Variants in GATB observed in about 807,000 individuals in gnomAD.
GATB encodes the protein glutamyl-tRNA amidotransferase subunit B.
In GATB, 39 loss-of-function variants were observed where a neutral mutation model predicts 62.3. That is an observed-to-expected ratio of 0.63 (90% CI 0.48 to 0.82). The LOEUF is 0.82. GATB is among the 40% of genes least tolerant of loss of function. The pLI, the probability that GATB is intolerant of heterozygous loss-of-function variation, is 0.00. For synonymous variants in GATB, 276 were observed against 258.9 expected (o/e 1.07, Z -0.63); for missense variants, 670 against 684.0 (o/e 0.98, Z 0.23).
intron 10 of GATB, among the ~76,000 whole-genome samples, chr4:151,680,996 C>T (rs1027133050): frequency 1.3e-5 from 2 of 152,194 alleles, no homozygotes; most frequent in African/African-American, 4.8e-5. Flanking sequence ...GGAATGACAT[C>T]AATAGCACAT....
At position 151,708,119 on chromosome 4, in the gene GATB, A is replaced by T. The variant is rs748088950; in HGVS notation, c.764-18T>A. ...CTGGCCCTCTGGAAGGAGAGAAGAA[A>T]ACAACTCCTTAGAAATTCTTTGAGG... On this transcript the variant is annotated intron_variant, in intron 5 of 12. Transcript: ENST00000263985. 1 of 1,520,264 alleles carries T rather than the reference A, an allele frequency of 6.6e-7. No individual in the cohort carries two copies. The highest frequency in any genetic ancestry group is 9.1e-7 in the Non-Finnish European group (1 of 1,095,878). 94.2% of individuals were successfully genotyped at this position (1,520,264 alleles called of 1,614,324 possible). A position where few individuals can be genotyped will look rare whatever the true frequency, so the allele number is the denominator to read the frequency against.
chr4:151,756,985 C>A (rs1316578710), intron 2 of GATB, among the ~76,000 whole-genome samples: 2 of 152,036 alleles, frequency 1.3e-5, no homozygotes, highest in Non-Finnish European at 2.9e-5. Context: ...TAATTAACTA[C>A]AACATGGGAA....
rs190656589 is a variant in GATB at position 151,734,214 on chromosome 4, G to T, written c.328-14676C>A. On this transcript the variant is annotated intron_variant, in intron 2 of 12. Coordinates refer to ENST00000263985, the MANE Select transcript of GATB (RefSeq NM_004564.3). ...AAAACCCTAAAGACTTCTCCAGAAA[G>T]CTCCTAGAACTGATAAAAGAATTCA... Among the ~76,000 whole-genome samples the T allele has an allele frequency of 4.5e-3, 681 of 152,274 alleles. 2 individuals carry two copies. Among genetic ancestry groups the T allele is most frequent in the Middle Eastern group, 6.8e-3 (2 of 294 alleles).
intron 2 of GATB, among the ~76,000 whole-genome samples, chr4:151,753,230 G>A (rs1739757049): frequency 6.6e-6 from 1 of 152,128 alleles, no homozygotes; most frequent in Non-Finnish European, 1.5e-5. Context: ...TATGGGGGTA[G>A]GGCAGCTGCA....
intron 2 of GATB, among the ~76,000 whole-genome samples, chr4:151,733,706 A>G (rs1739313851): frequency 6.6e-6 from 1 of 152,228 alleles, no homozygotes. Flanking sequence ...TCCTTACAAA[A>G]TACTAGCTAT....
intron 2 of GATB, among the ~76,000 whole-genome samples, chr4:151,731,946 G>A (rs1373458972): frequency 1.3e-4 from 13 of 102,856 alleles, no homozygotes; most frequent in East Asian, 5.1e-4. Flanking sequence ...CAGCCGCCCC[G>A]TCCGGGAGGG....
At chr4:151,740,977 G>C (rs1406888636) in intron 2 of GATB, among the ~76,000 whole-genome samples, 1 of 151,912 alleles carries the variant, frequency 6.6e-6, no homozygotes, top group Non-Finnish European at 1.5e-5. Flanking sequence ...TGTACTCTCA[G>C]GCATCTTTGG....
Position 151,701,436 on chromosome 4 carries a change from T to A in GATB, c.1090A>T (p.Ile364Phe). ...LPAGADPQQV[I>F]NIDQIRETLP... ...GTCTCCCGAATCTGGTCAATATTGA[T>A]CACTTGCTGTGGGTCTGCACCTGCG... is the stretch of plus-strand genomic sequence containing the variant. Residue 364 changes from isoleucine to phenylalanine, a missense_variant, in exon 9 of 13, where the codon ATC (isoleucine) becomes TTC (phenylalanine). Ile to Phe is a conservative substitution (Grantham distance 21, BLOSUM62 0). Coordinates refer to ENST00000263985, the MANE Select transcript of GATB (RefSeq NM_004564.3). The A allele has an allele frequency of 6.2e-7, 1 of 1,604,538 alleles. No homozygotes were observed. The highest frequency in any genetic ancestry group is 1.7e-4 in the Middle Eastern group (1 of 6,048).
Position 151,721,945 on chromosome 4 carries a change from A to T in GATB, c.328-2407T>A. On this transcript the variant is annotated intron_variant, in intron 2 of 12. Transcript: ENST00000263985. ...GAAGAAGGCAGTAAAACACACAAACATTACAGTGATACTGAGAATATGCTT... is the reference window on the plus strand; with the variant it reads ...GAAGAAGGCAGTAAAACACACAAACTTTACAGTGATACTGAGAATATGCTT... 7.6e-6 allele frequency: 4 copies of T among 528,994 alleles called. 1 individual carries two copies. The South Asian group carries it at 1.0e-4, about 13-fold the overall frequency. The allele number at this position is 528,994 out of a possible 1,614,324, so 32.8% of individuals were successfully genotyped here. A position where few individuals can be genotyped will look rare whatever the true frequency, so the allele number is the denominator to read the frequency against.
intron 7 of GATB, 94 bp downstream of exon 7, chr4:151,705,091 C>T: frequency 2.5e-6 from 2 of 786,626 alleles, no homozygotes; most frequent in East Asian, 4.9e-5. Context: ...ACGCTACGTG[C>T]CTCCTTCAAG....
intron 2 of GATB, among the ~76,000 whole-genome samples, chr4:151,732,107 G>C (rs1739277616): frequency 7.0e-6 from 1 of 142,316 alleles, no homozygotes; most frequent in African/African-American, 2.6e-5. Context: ...GGAGGTGGGG[G>C]GAGCCTCCGC....
chr4:151,744,639 C>T (rs951742249), intron 2 of GATB, among the ~76,000 whole-genome samples: 3 of 151,990 alleles, frequency 2.0e-5, no homozygotes, highest in African/African-American at 4.8e-5. Context: ...GGTTAGGTTT[C>T]AGGTGGGGAA....
At chr4:151,710,311 C>T (rs1038008629) in intron 5 of GATB, among the ~76,000 whole-genome samples, 7 of 152,188 alleles carry the variant, frequency 4.6e-5, no homozygotes, top group African/African-American at 7.2e-5. Context: ...TTCCATCTGA[C>T]GTATACATAT....
intron 9 of GATB, among the ~76,000 whole-genome samples, chr4:151,693,401 G>A (rs1738405802): frequency 6.6e-6 from 1 of 152,208 alleles, no homozygotes; most frequent in African/African-American, 2.4e-5. Context: ...CTTTCAGCGA[G>A]TGCTCCTGTG....
chr4:151,675,734 C>T (rs569027886), intron 11 of GATB: 2 of 152,426 alleles, frequency 1.3e-5, no homozygotes, highest in African/African-American at 4.8e-5. Context: ...CAAGGAATTT[C>T]TAGCACAGTG....
chr4:151,738,835 C>T (rs186200284), intron 2 of GATB, among the ~76,000 whole-genome samples: 541 of 152,288 alleles, frequency 3.6e-3, no homozygotes, highest in Non-Finnish European at 6.2e-3. Flanking sequence ...ATTGCAGCAG[C>T]GAGTGTAATC....
intron 10 of GATB, among the ~76,000 whole-genome samples, chr4:151,688,311 G>T (rs983908466): frequency 6.6e-6 from 1 of 152,144 alleles, no homozygotes; most frequent in Non-Finnish European, 1.5e-5. Context: ...GGCATGACAG[G>T]ATCACCCTGG....
chr4:151,752,114 T>G (rs1739732990), intron 2 of GATB, among the ~76,000 whole-genome samples: 2 of 152,236 alleles, frequency 1.3e-5, no homozygotes, highest in Admixed American at 1.3e-4. Context: ...TAAGAATGTT[T>G]AAGGCATGGT....
At chr4:151,760,065 C>G (rs576067893) in intron 1 of GATB, among the ~76,000 whole-genome samples, 1 of 152,168 alleles carries the variant, frequency 6.6e-6, no homozygotes, top group South Asian at 2.1e-4. Flanking sequence ...GAATACAAAA[C>G]TGAATACTTC....
Sources: allele counts gnomAD v4.1 joint callset (sites outside exome capture counted in the v4.1 genomes callset), GRCh38; gene constraint gnomAD v4.1.1; transcripts MANE v1.5; gene names NCBI Gene and HGNC (gene_info 2026-07-23, HGNC 2026-07-21).